The following STAT4 variants were observed in gnomAD, a reference collection of about 807,000 sequenced individuals.
STAT4 encodes the protein signal transducer and activator of transcription 4.
In STAT4, 42 loss-of-function variants were observed where a neutral mutation model predicts 110.5. The ratio of observed to expected loss-of-function variants is 0.38; its 90% CI spans 0.30 to 0.49. STAT4 has a LOEUF of 0.49. STAT4 is among the 20% of genes least tolerant of loss of function. The probability of loss-of-function intolerance (pLI) is 0.95; values close to 1 mark genes in which losing one functional copy is unlikely to be tolerated. For synonymous variants in STAT4, 284 were observed against 302.2 expected (o/e 0.94, Z 0.63); for missense variants, 632 against 887.9 (o/e 0.71, Z 3.66).
intron 3 of STAT4, among the ~76,000 whole-genome samples, chr2:191,096,034 T>A (rs1157686231): frequency 6.6e-6 from 1 of 152,094 alleles, no homozygotes; most frequent in Non-Finnish European, 1.5e-5. Context: ...ATGGATAAAT[T>A]CCTTGACACA....
chr2:191,114,015 C>CT (rs1283827563), intron 3 of STAT4, among the ~76,000 whole-genome samples: 3 of 152,108 alleles, frequency 2.0e-5, no homozygotes, highest in African/African-American at 7.2e-5. Flanking sequence ...GTGGTCTGAT[C>CT]TAAGATGTGA....
chr2:191,122,539 T>C lies in STAT4; in HGVS notation c.273+24074A>G, dbSNP rs141690855. Among the ~76,000 whole-genome samples the C allele has an allele frequency of 4.7e-3, 723 of 152,242 alleles. 6 individuals are homozygous for C. Among genetic ancestry groups the C allele is most frequent in the Non-Finnish European group, 5.9e-3 (399 of 68,000 alleles). On this transcript the variant is annotated intron_variant, in intron 3 of 23. Coordinates refer to ENST00000392320, the MANE Select transcript of STAT4 (RefSeq NM_003151.4). ...AGAAATGAGTGCTTATGCCTACTACTAAAAGTTACAAACAAAAATGTTCCT... is the reference window on the plus strand; with the variant it reads ...AGAAATGAGTGCTTATGCCTACTACCAAAAGTTACAAACAAAAATGTTCCT...
intron 3 of STAT4, among the ~76,000 whole-genome samples, chr2:191,102,064 C>G (rs1480014042): frequency 6.8e-6 from 1 of 147,682 alleles, no homozygotes; most frequent in Non-Finnish European, 1.5e-5. Flanking sequence ...TAGTTTTAAA[C>G]AGAATGTGGT....
rs1364889388 is a variant in STAT4 at position 191,046,469 on chromosome 2, T to G, written c.1252-5321A>C. 6.6e-6 allele frequency among the ~76,000 whole-genome samples: 1 copy of G among 152,088 alleles called. No homozygotes were observed. The highest frequency in any genetic ancestry group is 1.5e-5 in the Non-Finnish European group (1 of 68,024). ...TGCCTAGATATGTTTGCACTGAAGG[T>G]GTCATCTGTGCTTGGGAGAGTAGAC... is the stretch of plus-strand genomic sequence containing the variant. On this transcript the variant is annotated intron_variant, in intron 14 of 23. Transcript: ENST00000392320. The surrounding 1 kb of genome is among the most constrained non-coding windows in gnomAD (Gnocchi z 4.6).
At chr2:191,079,561 T>C (rs569975661) in intron 3 of STAT4, among the ~76,000 whole-genome samples, 2 of 152,216 alleles carry the variant, frequency 1.3e-5, no homozygotes, top group East Asian at 3.9e-4. Flanking sequence ...ATATCTCTTA[T>C]TAATTCTAAA....
chr2:191,135,013 A>C lies in STAT4; in HGVS notation c.273+11600T>G, dbSNP rs1253020147. ...ATCATGCACCTCAAGTAACTAGAAA[A>C]GCAAGAAAAAAAAACCGAAATTAGT... is the stretch of plus-strand genomic sequence containing the variant. On this transcript the variant is annotated intron_variant, in intron 3 of 23. Coordinates refer to ENST00000392320, the MANE Select transcript of STAT4 (RefSeq NM_003151.4). This position sits in a 1 kb window ranked among gnomAD's most constrained non-coding sequence, Gnocchi z 4.8. 6.6e-6 allele frequency among the ~76,000 whole-genome samples: 1 copy of C among 152,132 alleles called. No individual in the cohort carries two copies. Among genetic ancestry groups the C allele is most frequent in the Admixed American group, 6.5e-5 (1 of 15,282 alleles).
chr2:191,099,980 T>A lies in STAT4; in HGVS notation c.274-23655A>T, dbSNP rs889579064. 1.1e-4 allele frequency among the ~76,000 whole-genome samples: 16 copies of A among 152,152 alleles called. No homozygotes were observed. The highest frequency in any genetic ancestry group is 2.4e-4 in the Non-Finnish European group (16 of 68,024). ...TTCTTCTTAGACTTTTCATTATCAT[T>A]TGACTTTTTACAAAGATTTGCATTA... On this transcript the variant is annotated intron_variant, in intron 3 of 23. Coordinates refer to ENST00000392320, the MANE Select transcript of STAT4 (RefSeq NM_003151.4). The surrounding 1 kb of genome is among the most constrained non-coding windows in gnomAD (Gnocchi z 4.1).
At chr2:191,106,587 C>A (rs1438042976) in intron 3 of STAT4, among the ~76,000 whole-genome samples, 1 of 150,690 alleles carries the variant, frequency 6.6e-6, no homozygotes, top group Non-Finnish European at 1.5e-5. Flanking sequence ...ACCTGGGAGG[C>A]GGAGGTTGCA....
rs1280352877 is a variant in STAT4 at position 191,099,427 on chromosome 2, T to C, written c.274-23102A>G. Among the ~76,000 whole-genome samples the C allele has an allele frequency of 2.0e-5, 3 of 152,148 alleles. No homozygotes were observed. The highest frequency in any genetic ancestry group is 7.2e-5 in the African/African-American group (3 of 41,458). ...TACAAGATCGTTTGTTTCAATCCTG[T>C]TTATAGTGGAGAACCAAAAGTAAAG... On this transcript the variant is annotated intron_variant, in intron 3 of 23. Coordinates refer to ENST00000392320, the MANE Select transcript of STAT4 (RefSeq NM_003151.4). The surrounding 1 kb of genome is among the most constrained non-coding windows in gnomAD (Gnocchi z 4.1).
At chr2:191,073,282 A>T in intron 4 of STAT4, 92 bp from the exon 5 acceptor site, 2 of 943,256 alleles carry the variant, frequency 2.1e-6, no homozygotes, top group Admixed American at 3.7e-5. Context: ...TGAGGTCTGG[A>T]TCAATGTGAT....
chr2:191,121,473 G>A (rs1045520046), intron 3 of STAT4, among the ~76,000 whole-genome samples: 9 of 152,204 alleles, frequency 5.9e-5, no homozygotes, highest in Non-Finnish European at 1.2e-4. Context: ...ACATGCACAC[G>A]TATGTTTACT....
intron 3 of STAT4, among the ~76,000 whole-genome samples, chr2:191,096,190 A>C (rs9264281): frequency 6.6e-6 from 1 of 152,208 alleles, no homozygotes; most frequent in Admixed American, 6.5e-5. Context: ...TACCAGAGGT[A>C]CAAAGAGGAG....
intron 3 of STAT4, among the ~76,000 whole-genome samples, chr2:191,078,624 A>T (rs1697378396): frequency 6.6e-6 from 1 of 152,192 alleles, no homozygotes. Context: ...GTTACTAAGT[A>T]CGTGAACCTC....
Position 191,030,673 on chromosome 2 carries a change from C to T in STAT4, c.2220+299G>A. On this transcript the variant is annotated intron_variant, in intron 23 of 23. Coordinates refer to ENST00000392320, the MANE Select transcript of STAT4 (RefSeq NM_003151.4). This position sits in a 1 kb window ranked among gnomAD's most constrained non-coding sequence, Gnocchi z 4.4. Reference sequence around the variant, plus strand: ...TAGAGAGTGGTGGGGAGTGAGGGGGCCCATGGTGCAAGCAGCGATAGTGTG... The same window carrying T: ...TAGAGAGTGGTGGGGAGTGAGGGGGTCCATGGTGCAAGCAGCGATAGTGTG... 1 of 255,456 alleles carries T rather than the reference C, an allele frequency of 3.9e-6. No individual in the cohort carries two copies. Among genetic ancestry groups the T allele is most frequent in the Non-Finnish European group, 7.7e-6 (1 of 129,900 alleles). The allele number at this position is 255,456 out of a possible 1,614,324, so 15.8% of individuals were successfully genotyped here. A position where few individuals can be genotyped will look rare whatever the true frequency, so the allele number is the denominator to read the frequency against.
intron 14 of STAT4, among the ~76,000 whole-genome samples, chr2:191,049,914 C>G (rs561650959): frequency 1.3e-5 from 2 of 152,300 alleles, no homozygotes; most frequent in East Asian, 3.9e-4. Flanking sequence ...TAAATTAGTT[C>G]AGCGAGAAAT....
intron 3 of STAT4, among the ~76,000 whole-genome samples, chr2:191,120,605 C>G (rs560312493): frequency 6.6e-6 from 1 of 152,052 alleles, no homozygotes; most frequent in Non-Finnish European, 1.5e-5. Context: ...TGGTCTATAT[C>G]TCTGTTTTGG....
rs1200174570 is a variant in STAT4, at chr2:191,146,771, G to A, written c.129-14C>T. ...GAAGCTGCCTCCCTAAAAAAAAAAA[G>A]GATTATTACACAACAGAAAACAACT... On this transcript the variant is annotated splice_polypyrimidine_tract_variant and intron_variant, in intron 2 of 23. Coordinates refer to ENST00000392320, the MANE Select transcript of STAT4 (RefSeq NM_003151.4). This position sits in a 1 kb window ranked among gnomAD's most constrained non-coding sequence, Gnocchi z 4.5. 7.3e-6 allele frequency: 11 copies of A among 1,502,684 alleles called. No individual in the cohort carries two copies. The highest frequency in any genetic ancestry group is 5.4e-5 in the South Asian group (4 of 73,544). The allele number at this position is 1,502,684 out of a possible 1,614,324, so 93.1% of individuals were successfully genotyped here. A position where few individuals can be genotyped will look rare whatever the true frequency, so the allele number is the denominator to read the frequency against.
Position 191,063,000 on chromosome 2 carries a change from A to T in STAT4, c.783-80T>A, listed in dbSNP as rs1401170115. 1.4e-5 allele frequency: 15 copies of T among 1,094,708 alleles called. No homozygotes were observed. Among genetic ancestry groups the T allele is most frequent in the Non-Finnish European group, 1.8e-5 (14 of 799,970 alleles). The allele number at this position is 1,094,708 out of a possible 1,614,324, so 67.8% of individuals were successfully genotyped here. ...GCATTGTAACAATGGGTCATAGTTAATAAACATTAAATTATTAAGTAATTA... is the reference window on the plus strand; with the variant it reads ...GCATTGTAACAATGGGTCATAGTTATTAAACATTAAATTATTAAGTAATTA... On this transcript the variant is annotated intron_variant, in intron 8 of 23. Transcript: ENST00000392320. This position sits in a 1 kb window ranked among gnomAD's most constrained non-coding sequence, Gnocchi z 4.9.
At chr2:191,128,195 C>T (rs1698935480) in intron 3 of STAT4, among the ~76,000 whole-genome samples, 1 of 152,162 alleles carries the variant, frequency 6.6e-6, no homozygotes, top group African/African-American at 2.4e-5. Context: ...GGGGAAATAA[C>T]TGTGGAGTGC....
Sources: allele counts gnomAD v4.1 joint callset (sites outside exome capture counted in the v4.1 genomes callset), GRCh38; gene constraint gnomAD v4.1.1; non-coding constraint Gnocchi (gnomAD v3.1); transcripts MANE v1.5; gene names NCBI Gene and HGNC (gene_info 2026-07-23, HGNC 2026-07-21).